MPP7: variants seen among roughly 807,000 people sequenced by gnomAD.
MPP7 encodes MAGUK p55 scaffold protein 7.
A neutral mutation model predicts 76.5 loss-of-function variants in MPP7; 60 were observed. The observed-to-expected ratio is 0.78, with a 90% CI of 0.64 to 0.97. The LOEUF (loss-of-function observed/expected upper bound fraction) is 0.97, where lower values mean the gene tolerates loss of function less well. Ranked by LOEUF, MPP7 falls within the 50% of genes least tolerant of loss-of-function variation. MPP7 has a pLI of 0.00. For missense variants in MPP7, 641 were observed against 694.0 expected (o/e 0.92, Z 0.86); for synonymous variants, 237 against 244.5 (o/e 0.97, Z 0.29).
chr10:28,077,176 TA>T (rs973904754), intron 12 of MPP7, among the ~76,000 whole-genome samples: 2 of 152,118 alleles, frequency 1.3e-5, no homozygotes, highest in African/African-American at 4.8e-5. Context: ...GTGATATCCT[TA>T]AATTTTGACT....
At chr10:28,081,393 T>C (rs1372864746) in intron 12 of MPP7, among the ~76,000 whole-genome samples, 2 of 152,238 alleles carry the variant, frequency 1.3e-5, no homozygotes, top group Non-Finnish European at 1.5e-5. Context: ...GAAAATGTAT[T>C]AAAAGCCTGA....
intron 1 of MPP7, among the ~76,000 whole-genome samples, chr10:28,287,278 A>C (rs1840810710): frequency 6.6e-6 from 1 of 152,212 alleles, no homozygotes; most frequent in Non-Finnish European, 1.5e-5. Flanking sequence ...GACGGTTAAT[A>C]AGACGGTATT....
intron 2 of MPP7, among the ~76,000 whole-genome samples, chr10:28,222,421 CTGCA>C (rs1838541249): frequency 6.6e-6 from 1 of 152,006 alleles, no homozygotes; most frequent in South Asian, 2.1e-4. Flanking sequence ...GGAGTTGAGG[CTGCA>C]GTGAGCCCTG....
intron 1 of MPP7, among the ~76,000 whole-genome samples, chr10:28,290,889 T>C (rs921967505): frequency 1.3e-5 from 2 of 152,222 alleles, no homozygotes; most frequent in Admixed American, 6.5e-5. Context: ...CTGTTTTTAT[T>C]TGAACATTCA....
intron 13 of MPP7, among the ~76,000 whole-genome samples, chr10:28,065,310 T>A (rs1323780181): frequency 6.6e-6 from 1 of 152,194 alleles, no homozygotes; most frequent in Non-Finnish European, 1.5e-5. Flanking sequence ...GAACAAGACA[T>A]TTATGACACT....
In MPP7 at chr10:28,221,166, G is replaced by A. The variant is rs371878179; in HGVS notation, c.37+17402C>T. Among the ~76,000 whole-genome samples, 14 of 152,220 alleles carry A rather than the reference G, an allele frequency of 9.2e-5. 1 individual carries two copies. Among genetic ancestry groups the A allele is most frequent in the African/African-American group, 2.9e-4 (12 of 41,542 alleles). On this transcript the variant is annotated intron_variant, in intron 2 of 16. Transcript: ENST00000683449. Reference sequence around the variant, plus strand: ...TAATAATAACTAAGGTCCTTCCACCGTGAATTTTAGAAAAATAAAGTAATC... The same window carrying A: ...TAATAATAACTAAGGTCCTTCCACCATGAATTTTAGAAAAATAAAGTAATC...
chr10:28,261,681 T>C lies in MPP7; in HGVS notation c.-131-22946A>G, dbSNP rs987740841. On this transcript the variant is annotated intron_variant, in intron 1 of 16. Coordinates refer to ENST00000683449, the MANE Select transcript of MPP7 (RefSeq NM_001318170.2). ...CCAATGTAGTACAAGAAACTGATCA[T>C]ACAATATACTCACAAATACATTTCT... Among the ~76,000 whole-genome samples, 4 of 149,282 alleles carry C rather than the reference T, an allele frequency of 2.7e-5. No individual in the cohort carries two copies. The Admixed American group carries it at 2.7e-4, about 10-fold the overall frequency.
At chr10:28,141,830 T>C (rs1835530794) in intron 5 of MPP7, among the ~76,000 whole-genome samples, 1 of 152,130 alleles carries the variant, frequency 6.6e-6, no homozygotes, top group South Asian at 2.1e-4. Context: ...AGAATAATGA[T>C]AGGAATTTGG....
intron 11 of MPP7, among the ~76,000 whole-genome samples, chr10:28,107,900 C>T (rs537177606): frequency 1.4e-4 from 22 of 152,218 alleles, no homozygotes; most frequent in African/African-American, 5.1e-4. Context: ...ATGGATGTAC[C>T]GGGTATCTGG....
intron 2 of MPP7, among the ~76,000 whole-genome samples, chr10:28,202,585 C>T (rs917205407): frequency 6.6e-6 from 1 of 152,124 alleles, no homozygotes; most frequent in Non-Finnish European, 1.5e-5. Context: ...ACATTCCTTT[C>T]CTTAATCATT....
chr10:28,228,794 T>C (rs1838781684), intron 2 of MPP7, among the ~76,000 whole-genome samples: 1 of 151,796 alleles, frequency 6.6e-6, no homozygotes, highest in Admixed American at 6.6e-5. Context: ...GAAAAAAAAC[T>C]AAGCAGTTGC....
chr10:28,222,808 C>T (rs1253653749), intron 2 of MPP7, among the ~76,000 whole-genome samples: 7 of 147,836 alleles, frequency 4.7e-5, no homozygotes, highest in East Asian at 2.0e-4. Flanking sequence ...GCCAAGATCG[C>T]GCCACTGCAC....
intron 3 of MPP7, among the ~76,000 whole-genome samples, chr10:28,197,260 G>A (rs1360267756): frequency 1.4e-5 from 2 of 145,132 alleles, no homozygotes; most frequent in Non-Finnish European, 3.0e-5. Flanking sequence ...TCAGCTCACT[G>A]CAACCTCTGC....
At chr10:28,264,374 T>C (rs1043179362) in intron 1 of MPP7, among the ~76,000 whole-genome samples, 1 of 151,904 alleles carries the variant, frequency 6.6e-6, no homozygotes, top group East Asian at 1.9e-4. Context: ...CAGGAATGAC[T>C]GGCAAAAAAA....
chr10:28,231,074 C>T (rs917477771), intron 2 of MPP7, among the ~76,000 whole-genome samples: 3 of 150,880 alleles, frequency 2.0e-5, no homozygotes, highest in Admixed American at 2.0e-4. Flanking sequence ...TGAAATTAAC[C>T]ATATGTCTAA....
At position 28,238,701 on chromosome 10, in the gene MPP7, T is replaced by C. The variant is rs1246863336; in HGVS notation, c.-97A>G. The C allele has an allele frequency of 2.5e-6, 3 of 1,205,116 alleles. No homozygotes were observed. The highest frequency in any genetic ancestry group is 3.7e-6 in the Non-Finnish European group (3 of 813,312). 74.7% of individuals were successfully genotyped at this position (1,205,116 alleles called of 1,614,324 possible). ...CCAATTCAACAGCCTGCAGCCACGT[T>C]GTCTACCAAGATCTGTATATTTTGT... On this transcript the variant is annotated 5_prime_UTR_variant, in exon 2 of 17. Transcript: ENST00000683449.
At position 28,324,301 on chromosome 10, in the gene MPP7, C is replaced by T. The variant is rs201699607; in HGVS notation, c.-132+5628G>A. On this transcript the variant is annotated intron_variant, in intron 2 of 11. Transcript: ENST00000441595. ...CCTCCCCAGACACCAAATCTGCCAG[C>T]GCCTTGATCTTGGACTTCCCAGTCT... Among the ~76,000 whole-genome samples, 9 of 152,298 alleles carry T rather than the reference C, an allele frequency of 5.9e-5. No individual in the cohort carries two copies. In the East Asian group the frequency reaches 7.7e-4, roughly 13 times the overall value.
chr10:28,095,398 T>C (rs986790338), intron 11 of MPP7, among the ~76,000 whole-genome samples: 2 of 151,928 alleles, frequency 1.3e-5, no homozygotes, highest in African/African-American at 4.8e-5. Flanking sequence ...TGCCCCATAC[T>C]CCTAACGGCA....
chr10:28,145,620 A>G (rs1332165121), intron 5 of MPP7, among the ~76,000 whole-genome samples: 1 of 152,224 alleles, frequency 6.6e-6, no homozygotes, highest in African/African-American at 2.4e-5. Flanking sequence ...TGTTAGATCA[A>G]AAAAGGAAAA....
Sources: allele counts gnomAD v4.1 joint callset (sites outside exome capture counted in the v4.1 genomes callset), GRCh38; gene constraint gnomAD v4.1.1; transcripts MANE v1.5; gene names NCBI Gene and HGNC (gene_info 2026-07-23, HGNC 2026-07-21).